CCNJL: variants seen among roughly 807,000 people sequenced by gnomAD.
CCNJL encodes the protein cyclin J like, also known as cyclin-J-like protein.
In CCNJL, 33 loss-of-function variants were observed where a neutral mutation model predicts 33.4. The observed-to-expected ratio is 0.99, with a 90% CI of 0.75 to 1.32. CCNJL has a LOEUF of 1.32. CCNJL is among the 40% of genes most tolerant of loss of function. The pLI, the probability that CCNJL is intolerant of heterozygous loss-of-function variation, is 0.00. For synonymous variants in CCNJL, 227 were observed against 220.9 expected, an observed-to-expected ratio of 1.03 and a Z score of -0.24; for missense variants, 512 against 499.7, an observed-to-expected ratio of 1.02 and a Z score of -0.23.
intron 1 of CCNJL, among the ~76,000 whole-genome samples, chr5:160,322,541 C>G (rs562351153): frequency 8.5e-5 from 13 of 152,208 alleles, no homozygotes; most frequent in Non-Finnish European, 1.6e-4. Flanking sequence ...TAATTGTATG[C>G]ATACATAGTT....
At chr5:160,269,184 T>G (rs1050726381) in intron 3 of CCNJL, among the ~76,000 whole-genome samples, 10 of 152,204 alleles carry the variant, frequency 6.6e-5, no homozygotes, top group Non-Finnish European at 7.4e-5. Flanking sequence ...CTGGGAGGAC[T>G]TCCCTGTGTC....
chr5:160,292,500 A>G (rs1762618521), intron 2 of CCNJL, among the ~76,000 whole-genome samples: 1 of 152,086 alleles, frequency 6.6e-6, no homozygotes. Flanking sequence ...GAGCACCTGT[A>G]GGCCTAACTA....
chr5:160,280,575 G>T lies in CCNJL; in HGVS notation c.230C>A (p.Thr77Asn), dbSNP rs1580979398. ...CACGGTGTAGAGCTGCTTGGAGGTG[G>T]TGACGTTGTAGCGATCCATGAAGTG... ...LDHFMDRYNVTTSKQLYTVAV... is the reference protein window; with the variant it reads ...LDHFMDRYNVNTSKQLYTVAV... The change falls in exon 3 of 6, where the codon ACC becomes AAC. Residue 77 changes from threonine (T) to asparagine (N), a missense_variant. Transcript: ENST00000257536. The T allele has an allele frequency of 6.2e-7, 1 of 1,613,488 alleles. No homozygotes were observed. Among genetic ancestry groups the T allele is most frequent in the East Asian group, 2.2e-5 (1 of 44,880 alleles).
At chr5:160,318,537 C>T (rs946233297) in intron 1 of CCNJL, among the ~76,000 whole-genome samples, 2 of 152,182 alleles carry the variant, frequency 1.3e-5, no homozygotes, top group African/African-American at 4.8e-5. Flanking sequence ...ACCGGGGAAC[C>T]CTATCATATG....
intron 2 of CCNJL, among the ~76,000 whole-genome samples, chr5:160,290,342 T>C (rs756430269): frequency 6.6e-6 from 1 of 152,048 alleles, no homozygotes; most frequent in African/African-American, 2.4e-5. Context: ...CTCAGCTTAC[T>C]GCAACCTCCG....
At chr5:160,322,918 A>T (rs1763489302) in intron 1 of CCNJL, among the ~76,000 whole-genome samples, 1 of 147,330 alleles carries the variant, frequency 6.8e-6, no homozygotes, top group African/African-American at 2.5e-5. Flanking sequence ...ATCTCAAAAA[A>T]AATTAAAAAA....
chr5:160,320,384 TG>T (rs1432947482), intron 1 of CCNJL, among the ~76,000 whole-genome samples: 1 of 152,038 alleles, frequency 6.6e-6, no homozygotes, highest in Non-Finnish European at 1.5e-5. Flanking sequence ...GGACACAATC[TG>T]GGGGGATAAG....
intron 4 of CCNJL, chr5:160,258,609 G>C (rs1042955200): frequency 7.8e-7 from 1 of 1,290,262 alleles, no homozygotes; most frequent in Admixed American, 1.7e-5. Flanking sequence ...GAAGTCTGTG[G>C]ATGCAGCTGT....
At chr5:160,334,127 G>T (rs1763654151) in intron 1 of CCNJL, among the ~76,000 whole-genome samples, 1 of 151,992 alleles carries the variant, frequency 6.6e-6, no homozygotes. Flanking sequence ...CACCCCTCAG[G>T]CACCCCAACT....
chr5:160,281,647 T>TGTTG (rs1335004079), intron 2 of CCNJL, among the ~76,000 whole-genome samples: 1 of 137,784 alleles, frequency 7.3e-6, no homozygotes, highest in Non-Finnish European at 1.5e-5. Context: ...ACTATTTGTT[T>TGTTG]GTTTGTTTGT....
At position 160,252,672 on chromosome 5, in the gene CCNJL, ATT is replaced by A. The variant is rs1198392792; in HGVS notation, c.*704_*705del. ...GTGGGACAGGCAGTGTGGCAATTAA[ATT>A]TGTTTTTTTCTCCAAAGGAATTTTC... On this transcript the variant is annotated 3_prime_UTR_variant, in exon 6 of 6. Transcript: ENST00000257536. The A allele has an allele frequency of 2.0e-5, 3 of 152,748 alleles. No homozygotes were observed. Among genetic ancestry groups the A allele is most frequent in the African/African-American group, 7.2e-5 (3 of 41,562 alleles). 9.5% of individuals were successfully genotyped at this position (152,748 alleles called of 1,614,324 possible). A position where few individuals can be genotyped will look rare whatever the true frequency, so the allele number is the denominator to read the frequency against.
intron 2 of CCNJL, among the ~76,000 whole-genome samples, chr5:160,308,981 C>A (rs1349276249): frequency 6.6e-6 from 1 of 152,154 alleles, no homozygotes; most frequent in Non-Finnish European, 1.5e-5. Context: ...GTTCCAGGAA[C>A]AGAAAGGAGG....
chr5:160,294,640 A>G (rs901153237), intron 2 of CCNJL: 5 of 152,416 alleles, frequency 3.3e-5, no homozygotes, highest in Non-Finnish European at 5.9e-5. Flanking sequence ...CCCCATACAC[A>G]ACATTCATGG....
chr5:160,267,037 TGCAAGAGGCAGAGAATCCACTGGGTA>T (rs1167673477), intron 3 of CCNJL, among the ~76,000 whole-genome samples: 2 of 152,170 alleles, frequency 1.3e-5, no homozygotes, highest in Non-Finnish European at 2.9e-5. Flanking sequence ...CCAGTTGGGT[TGCAAGAGGCAGAGAATCCACTGGGTA>T]GCAAGAGGCA....
chr5:160,282,990 T>TATATATATAC (rs1762280898), intron 2 of CCNJL, among the ~76,000 whole-genome samples: 1 of 60,178 alleles, frequency 1.7e-5, no homozygotes, highest in Non-Finnish European at 3.1e-5. Flanking sequence ...TATATATATA[T>TATATATATAC]ATATATATAT....
chr5:160,257,408 G>A (rs1761117090), intron 4 of CCNJL, among the ~76,000 whole-genome samples: 1 of 152,084 alleles, frequency 6.6e-6, no homozygotes. Flanking sequence ...CTGGGAGGCG[G>A]AGCTTGCAGT....
Position 160,311,984 on chromosome 5 carries a change from CG to C in CCNJL, c.-49-13del. On this transcript the variant is annotated splice_polypyrimidine_tract_variant and intron_variant, in intron 1 of 5. Transcript: ENST00000257536. ...TCTCAGGGCGCACCCTGCGTGGACA[CG>C]GGCAACTTCAGCGGCCAGAGCGTAC... The C allele has an allele frequency of 2.0e-6, 3 of 1,515,844 alleles. No individual in the cohort carries two copies. Among genetic ancestry groups the C allele is most frequent in the Non-Finnish European group, 2.7e-6 (3 of 1,092,108 alleles). The allele number at this position is 1,515,844 out of a possible 1,614,324, so 93.9% of individuals were successfully genotyped here. A position where few individuals can be genotyped will look rare whatever the true frequency, so the allele number is the denominator to read the frequency against.
chr5:160,314,252 A>G (rs1354513664), upstream of CCNJL, among the ~76,000 whole-genome samples: 2 of 152,258 alleles, frequency 1.3e-5, no homozygotes, highest in Admixed American at 1.3e-4. Context: ...TAGTTAAAAC[A>G]GTGTAGTGTT....
intron 3 of CCNJL, among the ~76,000 whole-genome samples, chr5:160,265,538 T>C (rs1445707249): frequency 6.6e-6 from 1 of 151,992 alleles, no homozygotes; most frequent in East Asian, 1.9e-4. Context: ...CTCAGGAGGC[T>C]AAGGCAGAAT....
Sources: gnomAD v4.1 joint callset for allele counts (sites outside exome capture counted in the v4.1 genomes callset) on GRCh38, gnomAD v4.1.1 for gene constraint, MANE v1.5 for transcripts, NCBI Gene and HGNC (gene_info 2026-07-23, HGNC 2026-07-21) for gene names.